The following SMC3 variants were observed in gnomAD, a reference collection of about 807,000 sequenced individuals.
SMC3 encodes the protein structural maintenance of chromosomes 3.
Under a neutral mutation model 171.8 loss-of-function variants are expected in SMC3, and 20 were observed. That is an observed-to-expected ratio of 0.12 (90% CI 0.08 to 0.17). The LOEUF (loss-of-function observed/expected upper bound fraction) is 0.17, where lower values mean the gene tolerates loss of function less well. SMC3 is among the 10% of genes least tolerant of loss of function. The probability of loss-of-function intolerance (pLI) is 1.00; values close to 1 mark genes in which losing one functional copy is unlikely to be tolerated. For synonymous variants in SMC3, 464 were observed against 451.1 expected (o/e 1.03, Z -0.36); for missense variants, 543 against 1,420.4 (o/e 0.38, Z 9.93).
At chr10:110,584,000 C>G (rs1447115240) in intron 12 of SMC3, 38 bp downstream of exon 12, 3 of 1,608,138 alleles carry the variant, frequency 1.9e-6, no homozygotes, top group African/African-American at 2.7e-5. Flanking sequence ...CTTTCTACAT[C>G]ATATTATGTA....
At position 110,601,883 on chromosome 10, in the gene SMC3, A is replaced by G. The variant is rs1487184421; in HGVS notation, c.2891A>G (p.Gln964Arg). 6.2e-7 allele frequency: 1 copy of G among 1,613,944 alleles called. No homozygotes were observed. Reference sequence around the variant, plus strand: ...AAGTACCAGACACTGAGCCTCAAACAGGTTGGTTTTAAATTTGAAGTCTTG... The same window carrying G: ...AAGTACCAGACACTGAGCCTCAAACGGGTTGGTTTTAAATTTGAAGTCTTG... ...FEKYQTLSLK[Q>R]LFRKLEQCNT... Residue 964 changes from glutamine to arginine, a missense_variant and splice_region_variant, in exon 24 of 29, where the codon CAG (glutamine) becomes CGG (arginine). Gln to Arg is a conservative substitution (Grantham distance 43). Transcript: ENST00000361804.
intron 18 of SMC3, among the ~76,000 whole-genome samples, chr10:110,593,834 A>G (rs1462929590): frequency 6.6e-6 from 1 of 150,444 alleles, no homozygotes; most frequent in African/African-American, 2.4e-5. Flanking sequence ...TAAAAATACA[A>G]AAAATTAGCT....
intron 2 of SMC3, among the ~76,000 whole-genome samples, chr10:110,573,185 G>A (rs543633931): frequency 9.9e-5 from 15 of 152,110 alleles, no homozygotes; most frequent in East Asian, 5.8e-4. Flanking sequence ...ACCCTTTTAC[G>A]TATTGAATTG....
At position 110,591,683 on chromosome 10, in the gene SMC3, C is replaced by T. The variant is rs532147254; in HGVS notation, c.1812+551C>T. 2.6e-5 allele frequency among the ~76,000 whole-genome samples: 4 copies of T among 152,298 alleles called. No homozygotes were observed. The East Asian group carries it at 7.7e-4, about 29-fold the overall frequency. ...TATTCTTCAGACACCATTCTTAGAA[C>T]AGTGTAATTGCTTTGAGGTACTTGA... On this transcript the variant is annotated intron_variant, in intron 17 of 28. Transcript: ENST00000361804.
intron 13 of SMC3, 31 bp downstream of exon 13, chr10:110,584,427 T>C (rs1316143207): frequency 1.9e-5 from 29 of 1,499,512 alleles, no homozygotes; most frequent in Non-Finnish European, 2.7e-5. Flanking sequence ...TTTGTAAAAA[T>C]CTTTCAGAAG....
At position 110,567,796 on chromosome 10, in the gene SMC3, C is replaced by A. The variant is rs757624777; in HGVS notation, c.-21C>A. ...TTGCTGCTCCGGGGCAGGTCTCCTT[C>A]CAGGCCAGGGGCCCGGAATCATGTA... is the stretch of plus-strand genomic sequence containing the variant. On this transcript the variant is annotated 5_prime_UTR_variant, in exon 1 of 29. Coordinates refer to ENST00000361804, the MANE Select transcript of SMC3 (RefSeq NM_005445.4). 1.2e-6 allele frequency: 2 copies of A among 1,613,486 alleles called. No homozygotes were observed. The highest frequency in any genetic ancestry group is 8.5e-7 in the Non-Finnish European group (1 of 1,179,796).
At chr10:110,574,197 C>T (rs1402619499) in intron 3 of SMC3, among the ~76,000 whole-genome samples, 5 of 152,040 alleles carry the variant, frequency 3.3e-5, no homozygotes, top group African/African-American at 9.7e-5. Flanking sequence ...TTTTTGAAAA[C>T]GTTTTCTAAA....
intron 15 of SMC3, 33 bp downstream of exon 15, chr10:110,590,024 A>G (rs371647753): frequency 6.4e-7 from 1 of 1,554,706 alleles, no homozygotes; most frequent in Non-Finnish European, 8.9e-7. Flanking sequence ...CTCTGTTTAC[A>G]CTGAGTCATT....
intron 18 of SMC3, 103 bp from the exon 19 acceptor site, chr10:110,596,295 C>A (rs1227353555): frequency 2.0e-6 from 2 of 1,015,558 alleles, no homozygotes; most frequent in Non-Finnish European, 2.8e-6. Context: ...ACTTTCAATT[C>A]TCATTATCTA....
At chr10:110,573,321 G>A (rs1860899219) in intron 2 of SMC3, among the ~76,000 whole-genome samples, 1 of 152,182 alleles carries the variant, frequency 6.6e-6, no homozygotes, top group African/African-American at 2.4e-5. Context: ...GATTTAAAAT[G>A]ATTATTTTAG....
chr10:110,596,654 T>C (rs1026977848), intron 19 of SMC3, 104 bp downstream of exon 19: 12 of 1,089,876 alleles, frequency 1.1e-5, no homozygotes, highest in Middle Eastern at 3.0e-4. Context: ...AAATTTCTTG[T>C]GTTTTAAGTT....
At chr10:110,581,776 TTTA>T (rs1861033693) in intron 8 of SMC3, 144 bp from the exon 9 acceptor site, 2 of 825,154 alleles carry the variant, frequency 2.4e-6, no homozygotes, top group African/African-American at 1.7e-5. Flanking sequence ...TAATTGCTAT[TTTA>T]GTATTTTAAA....
At chr10:110,599,554 T>C in intron 20 of SMC3, 100 bp from the exon 21 acceptor site, 6 of 1,034,440 alleles carry the variant, frequency 5.8e-6, no homozygotes, top group Non-Finnish European at 8.5e-6. Context: ...AGTTGATATG[T>C]CTATATATTT....
intron 3 of SMC3, 145 bp from the exon 4 acceptor site, chr10:110,575,191 G>T: frequency 1.5e-6 from 1 of 652,298 alleles, no homozygotes; most frequent in Non-Finnish European, 2.7e-6. Flanking sequence ...CACATTTTCT[G>T]CATTTCCTTT....
At chr10:110,577,312 T>C in intron 4 of SMC3, 109 bp from the exon 5 acceptor site, 2 of 801,224 alleles carry the variant, frequency 2.5e-6, no homozygotes, top group South Asian at 2.9e-5. Flanking sequence ...CTAGCAGAAA[T>C]TTTTCTCCAT....
chr10:110,603,946 T>C (rs1452038148), intron 28 of SMC3, among the ~76,000 whole-genome samples: 1 of 151,784 alleles, frequency 6.6e-6, no homozygotes, highest in African/African-American at 2.4e-5. Flanking sequence ...AATACAAAAA[T>C]TAGCTGGGCA....
At chr10:110,591,270 A>G in intron 17 of SMC3, 138 bp downstream of exon 17, 2 of 876,120 alleles carry the variant, frequency 2.3e-6, no homozygotes, top group Non-Finnish European at 3.5e-6. Flanking sequence ...CTTCCCATGG[A>G]CCTTAGTGCT....
intron 5 of SMC3, 128 bp from the exon 6 acceptor site, chr10:110,577,707 A>G: frequency 2.8e-6 from 2 of 723,506 alleles, no homozygotes; most frequent in Non-Finnish European, 4.7e-6. Flanking sequence ...TATTTGTAGT[A>G]TTATTTTTAG....
intron 17 of SMC3, among the ~76,000 whole-genome samples, chr10:110,591,558 C>T (rs1341683456): frequency 1.3e-5 from 2 of 152,112 alleles, no homozygotes; most frequent in African/African-American, 4.8e-5. Flanking sequence ...TCTTGACGTA[C>T]TTAGGATTAA....
Sources: allele counts gnomAD v4.1 joint callset (sites outside exome capture counted in the v4.1 genomes callset), GRCh38; gene constraint gnomAD v4.1.1; transcripts MANE v1.5; gene names NCBI Gene and HGNC (gene_info 2026-07-23, HGNC 2026-07-21).